The following DMRT1 variants were observed in gnomAD, a reference collection of about 807,000 sequenced individuals.
DMRT1 encodes doublesex- and mab-3-related transcription factor 1.
DMRT1 carries 7 observed loss-of-function variants against 32.3 expected under a neutral mutation model. The ratio of observed to expected loss-of-function variants is 0.22; its 90% confidence interval spans 0.12 to 0.41. DMRT1 has a LOEUF of 0.41. DMRT1 is among the 10% of genes least tolerant of loss of function. DMRT1 has a pLI of 1.00. For missense variants in DMRT1, 625 were observed against 500.5 expected (o/e 1.25, Z -2.37); for synonymous variants, 278 against 206.1 (o/e 1.35, Z -2.99).
At chr9:857,902 T>G (rs1268356494) in intron 2 of DMRT1, among the ~76,000 whole-genome samples, 1 of 151,334 alleles carries the variant, frequency 6.6e-6, no homozygotes, top group Non-Finnish European at 1.5e-5. Context: ...TTGCGATAGT[T>G]TGCTGAGAAT....
At chr9:866,500 G>C (rs947987750) in intron 2 of DMRT1, among the ~76,000 whole-genome samples, 18 of 140,908 alleles carry the variant, frequency 1.3e-4, no homozygotes, top group East Asian at 4.3e-4. Context: ...AAAGTGTTTA[G>C]TTTCAGAAGT....
At chr9:874,801 C>CTTTTT (rs71327354) in intron 2 of DMRT1, among the ~76,000 whole-genome samples, 32 of 76,930 alleles carry the variant, frequency 4.2e-4, no homozygotes, top group East Asian at 8.4e-4. Context: ...ACAAGTTAAT[C>CTTTTT]TTTTTTTTTT....
rs141869596 is a variant in DMRT1, at chr9:870,403, A to AAACAAC, written c.538+23266_538+23271dup. ...AACAAGAATGAAACTCTGTCTCAAA[A>AAACAAC]AACAACAACAATAACAACAACAACA... On this transcript the variant is annotated intron_variant, in intron 2 of 4. Coordinates refer to ENST00000382276, the MANE Select transcript of DMRT1 (RefSeq NM_021951.3). Among the ~76,000 whole-genome samples the AAACAAC allele has an allele frequency of 5.6e-3, 849 of 151,268 alleles. 6 individuals are homozygous for AAACAAC. Among genetic ancestry groups the AAACAAC allele is most frequent in the African/African-American group, 0.019 (772 of 40,918 alleles).
intron 4 of DMRT1, among the ~76,000 whole-genome samples, chr9:960,904 G>A (rs1330614101): frequency 6.6e-6 from 1 of 152,174 alleles, no homozygotes; most frequent in African/African-American, 2.4e-5. Context: ...GAGAAGTGAC[G>A]CTAGGAACAG....
intron 4 of DMRT1, among the ~76,000 whole-genome samples, chr9:963,753 A>G (rs1428974218): frequency 6.6e-6 from 1 of 152,242 alleles, no homozygotes; most frequent in Non-Finnish European, 1.5e-5. Flanking sequence ...AAAGAGTTCT[A>G]TTGTGAAACA....
intron 4 of DMRT1, among the ~76,000 whole-genome samples, chr9:917,472 T>G (rs1412896762): frequency 2.0e-5 from 3 of 152,218 alleles, no homozygotes; most frequent in East Asian, 3.8e-4. Context: ...CGACTTCAAT[T>G]TTAACATCCC....
At chr9:910,589 T>G (rs1016333943) in intron 3 of DMRT1, among the ~76,000 whole-genome samples, 9 of 152,000 alleles carry the variant, frequency 5.9e-5, no homozygotes, top group Admixed American at 5.9e-4. Flanking sequence ...ATTGTTACTA[T>G]AAAATAGGGT....
chr9:891,400 G>A (rs1817143330), intron 2 of DMRT1, among the ~76,000 whole-genome samples: 1 of 151,880 alleles, frequency 6.6e-6, no homozygotes, highest in South Asian at 2.1e-4. Context: ...GCAGTGAGCC[G>A]AGATCGTACC....
Position 968,071 on chromosome 9 carries a change from C to G in DMRT1, c.1054C>G (p.Leu352Val), listed in dbSNP as rs780617108. Reference protein sequence around the residue: ...PISNKSTKAVLECEPASEPSS... With the variant: ...PISNKSTKAVVECEPASEPSS... ...TAGTAACAAGAGCACAAAGGCAGTGCTTGAATGTGAGCCTGCGTCGGAGCC... is the reference window on the plus strand; with the variant it reads ...TAGTAACAAGAGCACAAAGGCAGTGGTTGAATGTGAGCCTGCGTCGGAGCC... Residue 352 changes from leucine to valine, a missense_variant, in exon 5 of 5, where the codon CTT becomes GTT. Leu to Val is a conservative substitution (Grantham distance 32, BLOSUM62 1). This residue lies in a region of DMRT1 where 416 missense variants were observed against 321.6 expected (regional missense o/e 1.29). Coordinates refer to ENST00000382276, the MANE Select transcript of DMRT1 (RefSeq NM_021951.3). 1 of 1,614,060 alleles carries G rather than the reference C, an allele frequency of 6.2e-7. No individual in the cohort carries two copies. Among genetic ancestry groups the G allele is most frequent in the Admixed American group, 1.7e-5 (1 of 60,004 alleles).
chr9:921,398 G>T (rs1469856326), intron 4 of DMRT1, among the ~76,000 whole-genome samples: 1 of 152,156 alleles, frequency 6.6e-6, no homozygotes, highest in Non-Finnish European at 1.5e-5. Flanking sequence ...CATCAGTTGA[G>T]GGATATTGGG....
chr9:861,805 C>CAGA (rs1564203862), intron 2 of DMRT1, among the ~76,000 whole-genome samples: 58 of 143,598 alleles, frequency 4.0e-4, no homozygotes, highest in Non-Finnish European at 7.0e-4. Context: ...GGCTGCCGGG[C>CAGA]GGGGGGGGGC....
chr9:850,568 T>A (rs1839100627), intron 2 of DMRT1, among the ~76,000 whole-genome samples: 1 of 152,232 alleles, frequency 6.6e-6, no homozygotes, highest in African/African-American at 2.4e-5. Flanking sequence ...CATTCCAGGA[T>A]GATTTACTGC....
Position 968,516 on chromosome 9 carries a change from T to G in DMRT1, c.*377T>G, listed in dbSNP as rs200312789. The G allele has an allele frequency of 5.7e-4, 6 of 10,494 alleles. No individual in the cohort carries two copies. Among genetic ancestry groups the G allele is most frequent in the Admixed American group, 1.5e-3 (1 of 666 alleles). 0.7% of individuals were successfully genotyped at this position (10,494 alleles called of 1,614,324 possible). A position where few individuals can be genotyped will look rare whatever the true frequency, so the allele number is the denominator to read the frequency against. On this transcript the variant is annotated 3_prime_UTR_variant, in exon 5 of 5. Transcript: ENST00000382276. The stretch of plus-strand genomic sequence containing the variant: ...AATGAAATCTTAGGTGCCTTAGGGG[T>G]TTTTTTTTTTTTTAAGTATTTTTTA...
chr9:915,934 T>A (rs1045781793), intron 3 of DMRT1, among the ~76,000 whole-genome samples: 7 of 152,032 alleles, frequency 4.6e-5, no homozygotes, highest in African/African-American at 1.7e-4. Context: ...GGGGTTTCAT[T>A]GTGTTAGCCA....
intron 2 of DMRT1, among the ~76,000 whole-genome samples, chr9:861,599 G>A (rs904698934): frequency 4.7e-5 from 7 of 149,570 alleles, no homozygotes; most frequent in Non-Finnish European, 8.8e-5. Flanking sequence ...ACGGGGTGGC[G>A]GCCGGGCAGA....
intron 2 of DMRT1, among the ~76,000 whole-genome samples, chr9:882,356 C>A (rs1335575939): frequency 6.6e-6 from 1 of 152,192 alleles, no homozygotes; most frequent in African/African-American, 2.4e-5. Flanking sequence ...CTTCTCTTAA[C>A]CTTACTTGTG....
At position 913,768 on chromosome 9, in the gene DMRT1, C is replaced by T. The variant is rs117073391; in HGVS notation, c.823-2995C>T. Among the ~76,000 whole-genome samples the T allele has an allele frequency of 6.9e-3, 1,055 of 152,188 alleles. 8 individuals are homozygous for T. Among genetic ancestry groups the T allele is most frequent in the Non-Finnish European group, 0.012 (790 of 68,006 alleles). ...ATTAGCCGGACGTGGTGGGGCATGT[C>T]TGTAGAGTAGGCTACTCAGGAGGCT... On this transcript the variant is annotated intron_variant, in intron 3 of 4. Coordinates refer to ENST00000382276, the MANE Select transcript of DMRT1 (RefSeq NM_021951.3).
chr9:871,843 C>G (rs370291464), intron 2 of DMRT1, among the ~76,000 whole-genome samples: 1 of 151,314 alleles, frequency 6.6e-6, no homozygotes, highest in Admixed American at 6.6e-5. Flanking sequence ...TCTGATTCTT[C>G]AAGGAGTCTG....
chr9:877,925 G>A (rs1816571161), intron 2 of DMRT1, among the ~76,000 whole-genome samples: 1 of 152,180 alleles, frequency 6.6e-6, no homozygotes, highest in Admixed American at 6.5e-5. Context: ...ATGACCCATG[G>A]TTGGCTTTGG....
Sources: allele counts gnomAD v4.1 joint callset (sites outside exome capture counted in the v4.1 genomes callset), GRCh38; gene constraint gnomAD v4.1.1; regional missense constraint gnomAD v4.1.1; transcripts MANE v1.5; gene names NCBI Gene and HGNC (gene_info 2026-07-23, HGNC 2026-07-21).